Variants in FAM120B observed in about 807,000 individuals in gnomAD.
FAM120B encodes the protein constitutive coactivator of peroxisome proliferator-activated receptor gamma.
A neutral mutation model predicts 96.3 loss-of-function variants in FAM120B; 83 were observed. That is an observed-to-expected ratio of 0.86 (90% CI 0.72 to 1.03). FAM120B has a LOEUF of 1.03. Ranked by LOEUF, FAM120B falls within the 50% of genes least tolerant of loss-of-function variation. FAM120B has a pLI of 0.00. For missense variants in FAM120B, 1,027 were observed against 1,121.2 expected, an observed-to-expected ratio of 0.92 and a Z score of 1.20; for synonymous variants, 407 against 402.7, an observed-to-expected ratio of 1.01 and a Z score of -0.13.
At chr6:170,346,768 G>C (rs7755302) in intron 4 of FAM120B, among the ~76,000 whole-genome samples, 48,692 of 151,670 alleles carry the variant, frequency 0.32, 9,143 homozygotes, top group East Asian at 0.9. Flanking sequence ...AGTTCATGGG[G>C]TGCATAAAAA....
intron 9 of FAM120B, among the ~76,000 whole-genome samples, chr6:170,396,664 C>T (rs986849848): frequency 6.6e-6 from 1 of 152,188 alleles, no homozygotes; most frequent in African/African-American, 2.4e-5. Context: ...TTCATGGTCT[C>T]TACTACAGTG....
chr6:170,291,894 G>A (rs981376967), upstream of FAM120B, among the ~76,000 whole-genome samples: 3 of 152,300 alleles, frequency 2.0e-5, no homozygotes, highest in African/African-American at 7.2e-5. Flanking sequence ...CACCTTCCCC[G>A]GGTCTCGGCC....
At chr6:170,303,018 A>G (rs1562506499), upstream of FAM120B, among the ~76,000 whole-genome samples, 1 of 152,246 alleles carries the variant, frequency 6.6e-6, no homozygotes, top group African/African-American at 2.4e-5. Context: ...TTTGAGTGAC[A>G]GTCGTGCCAC....
chr6:170,404,282 A>G (rs1461103792), intron 9 of FAM120B: 1 of 405,442 alleles, frequency 2.5e-6, no homozygotes, highest in Non-Finnish European at 4.4e-6. Context: ...ATGCCTAGAA[A>G]TCACGCAGAT....
chr6:170,338,211 A>G (rs964527064), intron 4 of FAM120B, among the ~76,000 whole-genome samples: 1 of 152,208 alleles, frequency 6.6e-6, no homozygotes, highest in African/African-American at 2.4e-5. Flanking sequence ...GCTGTGTCCT[A>G]GAGATTCTGG....
intron 1 of FAM120B, among the ~76,000 whole-genome samples, chr6:170,315,685 C>T (rs1166503151): frequency 6.6e-6 from 1 of 151,986 alleles, no homozygotes; most frequent in Non-Finnish European, 1.5e-5. Context: ...TATGTTCACC[C>T]AATTTTTGCA....
intron 4 of FAM120B, among the ~76,000 whole-genome samples, chr6:170,337,277 T>C (rs894150968): frequency 6.6e-6 from 1 of 152,228 alleles, no homozygotes; most frequent in African/African-American, 2.4e-5. Context: ...CTTTTCTGCA[T>C]CTATTGAGAT....
chr6:170,382,389 G>A (rs1012314481), intron 6 of FAM120B, among the ~76,000 whole-genome samples: 5 of 152,160 alleles, frequency 3.3e-5, no homozygotes, highest in Non-Finnish European at 5.9e-5. Flanking sequence ...GGGCAACCGA[G>A]TGAGACCCTG....
chr6:170,300,344 A>G (rs1784113664), intron 1 of FAM120B, among the ~76,000 whole-genome samples: 1 of 152,214 alleles, frequency 6.6e-6, no homozygotes, highest in Admixed American at 6.5e-5. Context: ...TCACCAAAAC[A>G]GCATGAGGGT....
chr6:170,402,993 C>T (rs1358624841), intron 9 of FAM120B, among the ~76,000 whole-genome samples: 1 of 152,094 alleles, frequency 6.6e-6, no homozygotes, highest in Non-Finnish European at 1.5e-5. Context: ...CAGAAAGTAG[C>T]TCTGGGAGAC....
At chr6:170,357,682 C>T (rs1181079092) in intron 5 of FAM120B, among the ~76,000 whole-genome samples, 2 of 152,212 alleles carry the variant, frequency 1.3e-5, no homozygotes, top group Non-Finnish European at 2.9e-5. Flanking sequence ...TTGTCCCAAA[C>T]GTGATCAACT....
chr6:170,390,192 G>A (rs988293676), intron 7 of FAM120B, among the ~76,000 whole-genome samples: 8 of 152,194 alleles, frequency 5.3e-5, no homozygotes, highest in African/African-American at 1.9e-4. Context: ...AACACATTTG[G>A]TAATGTGTTG....
intron 6 of FAM120B, among the ~76,000 whole-genome samples, chr6:170,364,553 T>C (rs1480834204): frequency 1.3e-5 from 2 of 152,256 alleles, no homozygotes; most frequent in Admixed American, 1.3e-4. Flanking sequence ...AAAGTATACA[T>C]GAGCATTTGC....
chr6:170,293,078 TG>T (rs1783921351), upstream of FAM120B, among the ~76,000 whole-genome samples: 3 of 152,150 alleles, frequency 2.0e-5, no homozygotes, highest in African/African-American at 7.2e-5. Context: ...TGCCACCTAG[TG>T]TCAGGATCCT....
intron 1 of FAM120B, among the ~76,000 whole-genome samples, chr6:170,315,299 G>A (rs1038928182): frequency 1.3e-5 from 2 of 152,240 alleles, no homozygotes; most frequent in Middle Eastern, 3.4e-3. Context: ...GTCTAGAGCT[G>A]GTGAAATCTA....
At chr6:170,384,732 C>T (rs1790098740) in intron 6 of FAM120B, among the ~76,000 whole-genome samples, 1 of 152,208 alleles carries the variant, frequency 6.6e-6, no homozygotes, top group Non-Finnish European at 1.5e-5. Context: ...AGCCAGTAGG[C>T]CAAGTCTGGC....
At chr6:170,343,211 G>A (rs186704941) in intron 4 of FAM120B, among the ~76,000 whole-genome samples, 4 of 152,326 alleles carry the variant, frequency 2.6e-5, no homozygotes, top group Non-Finnish European at 1.5e-5. Flanking sequence ...AAATAAACCT[G>A]TGTATGGCTA....
intron 9 of FAM120B, among the ~76,000 whole-genome samples, chr6:170,397,712 G>A (rs1778252434): frequency 6.6e-6 from 1 of 152,154 alleles, no homozygotes; most frequent in South Asian, 2.1e-4. Context: ...GGTGAAGCGG[G>A]CATCCCAGCC....
At chr6:170,352,921 C>T (rs994687029) in intron 5 of FAM120B, among the ~76,000 whole-genome samples, 1 of 151,556 alleles carries the variant, frequency 6.6e-6, no homozygotes, top group African/African-American at 2.4e-5. Context: ...ACACAAAAAA[C>T]CTTTTAAAAA....
Sources: gnomAD v4.1 joint callset for allele counts (sites outside exome capture counted in the v4.1 genomes callset) on GRCh38, gnomAD v4.1.1 for gene constraint, MANE v1.5 for transcripts, NCBI Gene and HGNC (gene_info 2026-07-23, HGNC 2026-07-21) for gene names.